KIF13A: variants seen among roughly 807,000 people sequenced by gnomAD.
The protein encoded by KIF13A is kinesin family member 13A.
A neutral mutation model predicts 212.2 loss-of-function variants in KIF13A; 79 were observed. The ratio of observed to expected loss-of-function variants is 0.37; its 90% CI spans 0.31 to 0.45. KIF13A has a LOEUF of 0.45. Among genes scored for constraint, KIF13A ranks in the 20% least tolerant of loss-of-function variants. The pLI is 1.00. For missense variants in KIF13A, 1,901 were observed against 2,209.0 expected (o/e 0.86, Z 2.79); for synonymous variants, 789 against 808.6 (o/e 0.98, Z 0.41).
At chr6:17,976,379 G>T (rs980541212) in intron 2 of KIF13A, among the ~76,000 whole-genome samples, 1 of 152,214 alleles carries the variant, frequency 6.6e-6, no homozygotes, top group African/African-American at 2.4e-5. Context: ...CAGCGCCGGT[G>T]GGCCGGCACT....
intron 17 of KIF13A, among the ~76,000 whole-genome samples, chr6:17,814,731 A>T (rs1763775126): frequency 6.6e-6 from 1 of 152,134 alleles, no homozygotes; most frequent in Admixed American, 6.5e-5. Flanking sequence ...TGCTGCTGGG[A>T]TGTTAAATAA....
At chr6:17,853,667 A>C (rs1397229103) in intron 6 of KIF13A, among the ~76,000 whole-genome samples, 1 of 152,260 alleles carries the variant, frequency 6.6e-6, no homozygotes, top group Non-Finnish European at 1.5e-5. Context: ...ATGTATTAGC[A>C]CTTCATATAT....
chr6:17,860,055 T>C (rs527535165), intron 4 of KIF13A, among the ~76,000 whole-genome samples: 24 of 152,304 alleles, frequency 1.6e-4, no homozygotes, highest in African/African-American at 5.8e-4. Flanking sequence ...CAGCTTATAG[T>C]GACTCCCTAC....
At position 17,799,439 on chromosome 6, in the gene KIF13A, C is replaced by A. The variant is rs749013206; in HGVS notation, c.2617G>T (p.Val873Leu). The change falls in exon 22 of 39, where the codon GTA becomes TTA. Residue 873 changes from valine to leucine, a missense_variant and splice_region_variant. Physicochemically the swap from Val to Leu is conservative, Grantham distance 32. Transcript: ENST00000259711. This position sits in a 1 kb window ranked among gnomAD's most constrained non-coding sequence, Gnocchi z 4.4. The part of the protein sequence containing the change: ...IHRVKKLTCR[V>L]KIKEATGLPL... ...AGCCCCGTTGCTTCTTTAATTTTTA[C>A]CTGAAGAGATAAACAATACAAATAA... 4 of 1,536,762 alleles carry A rather than the reference C, an allele frequency of 2.6e-6. No individual in the cohort carries two copies. The East Asian group carries it at 9.5e-5, about 37-fold the overall frequency.
intron 2 of KIF13A, among the ~76,000 whole-genome samples, chr6:17,944,735 C>T (rs1296566511): frequency 1.3e-5 from 2 of 152,032 alleles, no homozygotes; most frequent in African/African-American, 2.4e-5. Flanking sequence ...AATATATAAC[C>T]CATTATCTTT....
rs781198475 is a variant in KIF13A, at chr6:17,831,146, C to A, written c.1356G>T (p.Leu452=). ...GTTCGTTAAGAGCAGGGTCTGCATT[C>A]AGATTGACTAAGTAGCATTTGTCAT... ...VGDDKCYLVN[L]NADPALNELL... The change falls in exon 13 of 39, where the codon CTG becomes CTT. Residue 452 remains leucine, a synonymous_variant. Coordinates refer to ENST00000259711, the MANE Select transcript of KIF13A (RefSeq NM_022113.6). 2.5e-6 allele frequency: 4 copies of A among 1,613,896 alleles called. No homozygotes were observed. Among genetic ancestry groups the A allele is most frequent in the Non-Finnish European group, 3.4e-6 (4 of 1,179,826 alleles).
In KIF13A at chr6:17,768,758, T is replaced by A. The variant is rs1759241474; in HGVS notation, c.4581+2356A>T. 6.6e-6 allele frequency among the ~76,000 whole-genome samples: 1 copy of A among 152,244 alleles called. No individual in the cohort carries two copies. The highest frequency in any genetic ancestry group is 1.5e-5 in the Non-Finnish European group (1 of 68,044). On this transcript the variant is annotated intron_variant, in intron 38 of 38. Coordinates refer to ENST00000259711, the MANE Select transcript of KIF13A (RefSeq NM_022113.6). The surrounding 1 kb of genome is among the most constrained non-coding windows in gnomAD (Gnocchi z 5.4). Reference sequence around the variant, plus strand: ...TAAACCAGAGGAATAAACCACATGCTGTCTATGCAAGACCTAACGGAAAGG... The same window carrying A: ...TAAACCAGAGGAATAAACCACATGCAGTCTATGCAAGACCTAACGGAAAGG...
Position 17,855,716 on chromosome 6 carries a change from T to C in KIF13A, c.314-99A>G, listed in dbSNP as rs1016155338. On this transcript the variant is annotated intron_variant, in intron 5 of 38. Coordinates refer to ENST00000259711, the MANE Select transcript of KIF13A (RefSeq NM_022113.6). This position sits in a 1 kb window ranked among gnomAD's most constrained non-coding sequence, Gnocchi z 4.1. ...TCCCCATATACTGGCCATGGTAACA[T>C]AGCAGAAGAGTGGCCAACTTAGCCT... 2.0e-6 allele frequency: 2 copies of C among 994,202 alleles called. No individual in the cohort carries two copies. Among genetic ancestry groups the C allele is most frequent in the Non-Finnish European group, 2.9e-6 (2 of 684,336 alleles). The allele number at this position is 994,202 out of a possible 1,614,324, so 61.6% of individuals were successfully genotyped here.
chr6:17,947,310 G>C lies in KIF13A; in HGVS notation c.146+39744C>G, dbSNP rs147888226. Among the ~76,000 whole-genome samples the C allele has an allele frequency of 6.6e-6, 1 of 151,816 alleles. No homozygotes were observed. The highest frequency in any genetic ancestry group is 2.4e-5 in the African/African-American group (1 of 41,330). On this transcript the variant is annotated intron_variant, in intron 2 of 38. Transcript: ENST00000259711. This position sits in a 1 kb window ranked among gnomAD's most constrained non-coding sequence, Gnocchi z 4.6. ...TTAACTGTTGAAACCAAATATATAAGTTATATACTTCTTTATTATACATGC... is the reference window on the plus strand; with the variant it reads ...TTAACTGTTGAAACCAAATATATAACTTATATACTTCTTTATTATACATGC...
intron 38 of KIF13A, among the ~76,000 whole-genome samples, chr6:17,766,549 A>T (rs1449657565): frequency 1.3e-5 from 2 of 151,748 alleles, no homozygotes; most frequent in East Asian, 1.9e-4. Flanking sequence ...GGATTTATTT[A>T]TTTTTATTTA....
intron 2 of KIF13A, among the ~76,000 whole-genome samples, chr6:17,964,084 C>T (rs1266696042): frequency 6.6e-6 from 1 of 152,170 alleles, no homozygotes; most frequent in Non-Finnish European, 1.5e-5. Context: ...TGCCACTGCA[C>T]TCCAGTCTGG....
chr6:17,937,752 T>TG (rs1476832485), intron 2 of KIF13A, among the ~76,000 whole-genome samples: 1 of 123,630 alleles, frequency 8.1e-6, no homozygotes, highest in Non-Finnish European at 1.7e-5. Context: ...TTTTGTTTTT[T>TG]TTTTTTTGTT....
At chr6:17,943,923 A>C (rs1241799150) in intron 2 of KIF13A, among the ~76,000 whole-genome samples, 1 of 152,158 alleles carries the variant, frequency 6.6e-6, no homozygotes, top group African/African-American at 2.4e-5. Flanking sequence ...CAGTTCAGAA[A>C]GCCTCAACCA....
rs1263330727 is a variant in KIF13A at position 17,846,184 on chromosome 6, G to GCCTCTTAA, written c.830+3192_830+3193insTTAAGAGG. ...TTGGTTAGCTTGGTCTTAAACTCCT[G>GCCTCTTAA]ACTTCAAGCGAGCCACCTGCCTCAG... is the stretch of plus-strand genomic sequence containing the variant. On this transcript the variant is annotated intron_variant, in intron 9 of 38. Transcript: ENST00000259711. 2.0e-5 allele frequency among the ~76,000 whole-genome samples: 3 copies of GCCTCTTAA among 150,814 alleles called. No individual in the cohort carries two copies. The East Asian group carries it at 5.9e-4, about 30-fold the overall frequency.
rs1762306417 is a variant in KIF13A at position 17,799,486 on chromosome 6, T to C, written c.2617-47A>G. 1.4e-6 allele frequency: 2 copies of C among 1,388,242 alleles called. No homozygotes were observed. The highest frequency in any genetic ancestry group is 2.9e-5 in the African/African-American group (2 of 68,762). The allele number at this position is 1,388,242 out of a possible 1,614,324, so 86.0% of individuals were successfully genotyped here. On this transcript the variant is annotated intron_variant, in intron 21 of 38. Transcript: ENST00000259711. The surrounding 1 kb of genome is among the most constrained non-coding windows in gnomAD (Gnocchi z 4.4). The stretch of plus-strand genomic sequence containing the variant: ...ATAAAACTCCAATGAACACTAAACA[T>C]TCTTTCATTTCAGCTACCTCAAATT...
At chr6:17,979,731 A>C (rs1039872129) in intron 2 of KIF13A, among the ~76,000 whole-genome samples, 12 of 152,094 alleles carry the variant, frequency 7.9e-5, no homozygotes, top group Non-Finnish European at 1.8e-4. Context: ...TCCTCAGAGA[A>C]GATACCACAA....
Position 17,976,163 on chromosome 6 carries a change from A to G in KIF13A, c.146+10891T>C, listed in dbSNP as rs1252928246. Among the ~76,000 whole-genome samples the G allele has an allele frequency of 2.6e-5, 4 of 152,200 alleles. No individual in the cohort carries two copies. In the South Asian group the frequency reaches 8.3e-4, roughly 32 times the overall value. ...GATCCCGCACCGGGGCTGCAGGTGG[A>G]GCTACCTGCCACTCTCACGCCGGCA... On this transcript the variant is annotated intron_variant, in intron 2 of 38. Transcript: ENST00000259711.
intron 20 of KIF13A, among the ~76,000 whole-genome samples, chr6:17,801,044 T>A (rs1018342602): frequency 2.6e-5 from 4 of 152,066 alleles, no homozygotes; most frequent in South Asian, 2.1e-4. Context: ...CCATGTTTTT[T>A]AAAATATATT....
chr6:17,985,180 C>G (rs1244230336), intron 2 of KIF13A, among the ~76,000 whole-genome samples: 1 of 152,166 alleles, frequency 6.6e-6, no homozygotes, highest in African/African-American at 2.4e-5. Context: ...TTAGATCCGT[C>G]AGAAGGACAA....
Sources: gnomAD v4.1 joint callset for allele counts (sites outside exome capture counted in the v4.1 genomes callset) on GRCh38, gnomAD v4.1.1 for gene constraint, Gnocchi (gnomAD v3.1) non-coding constraint, MANE v1.5 for transcripts, NCBI Gene and HGNC (gene_info 2026-07-23, HGNC 2026-07-21) for gene names.